Variants in PTPN5 observed in about 807,000 individuals in gnomAD.
PTPN5 encodes the protein tyrosine-protein phosphatase non-receptor type 5.
PTPN5 carries 29 observed loss-of-function variants against 73.9 expected under a neutral mutation model. The observed-to-expected ratio is 0.39, with a 90% confidence interval of 0.29 to 0.54. The LOEUF is 0.54. Among genes scored for constraint, PTPN5 ranks in the 20% least tolerant of loss-of-function variants. The probability of loss-of-function intolerance (pLI) is 0.65; values close to 1 mark genes in which losing one functional copy is unlikely to be tolerated. For synonymous variants in PTPN5, 267 were observed against 304.7 expected (o/e 0.88, Z 1.29); for missense variants, 652 against 751.4 (o/e 0.87, Z 1.55).
intron 1 of PTPN5, among the ~76,000 whole-genome samples, chr11:18,785,508 G>A (rs960963850): frequency 3.3e-5 from 5 of 152,166 alleles, no homozygotes; most frequent in African/African-American, 1.2e-4. Flanking sequence ...TTCATCTTAC[G>A]TTTGTTCTCT....
intron 1 of PTPN5, among the ~76,000 whole-genome samples, chr11:18,790,225 T>C (rs1851853649): frequency 6.6e-6 from 1 of 152,024 alleles, no homozygotes; most frequent in African/African-American, 2.4e-5. Flanking sequence ...CCAGCAGCTT[T>C]GTCAGCAGCA....
intron 1 of PTPN5, among the ~76,000 whole-genome samples, chr11:18,782,722 G>A (rs1338068867): frequency 2.6e-5 from 4 of 152,180 alleles, no homozygotes; most frequent in Non-Finnish European, 4.4e-5. Context: ...TTGTCAAAAT[G>A]CACTGAACAG....
chr11:18,764,064 G>T (rs550674397), intron 3 of PTPN5, among the ~76,000 whole-genome samples: 2 of 152,154 alleles, frequency 1.3e-5, no homozygotes, highest in Non-Finnish European at 2.9e-5. Flanking sequence ...CTGAATCACA[G>T]AACTGTTTAA....
intron 11 of PTPN5, 122 bp from the exon 12 acceptor site, chr11:18,732,824 G>A: frequency 2.6e-6 from 2 of 776,486 alleles, no homozygotes; most frequent in Non-Finnish European, 2.1e-6. Flanking sequence ...AGAGTGTTGG[G>A]TTCAAATCTC....
At chr11:18,762,433 T>C (rs1480640982) in intron 3 of PTPN5, among the ~76,000 whole-genome samples, 1 of 152,114 alleles carries the variant, frequency 6.6e-6, no homozygotes, top group Non-Finnish European at 1.5e-5. Flanking sequence ...TATGTCCAAG[T>C]TGCAGTACAG....
intron 1 of PTPN5, among the ~76,000 whole-genome samples, chr11:18,776,627 G>A (rs571582886): frequency 3.9e-5 from 6 of 152,228 alleles, no homozygotes; most frequent in African/African-American, 9.6e-5. Context: ...CCACCTACAC[G>A]TGGAGATTGG....
Position 18,744,691 on chromosome 11 carries a change from C to A in PTPN5, c.98-492G>T, listed in dbSNP as rs139690504. On this transcript the variant is annotated intron_variant, in intron 3 of 14. Transcript: ENST00000358540. ...CTCTTGACAAGACCACATCCATGTGCCCCCACCCCATCTCAAGACTCCCTG... is the reference window on the plus strand; with the variant it reads ...CTCTTGACAAGACCACATCCATGTGACCCCACCCCATCTCAAGACTCCCTG... Among the ~76,000 whole-genome samples, 146 of 152,252 alleles carry A rather than the reference C, an allele frequency of 9.6e-4. 1 individual carries two copies. Among genetic ancestry groups the A allele is most frequent in the African/African-American group, 3.5e-3 (144 of 41,552 alleles).
At chr11:18,739,433 C>A (rs556660073) in intron 8 of PTPN5, among the ~76,000 whole-genome samples, 4 of 152,112 alleles carry the variant, frequency 2.6e-5, no homozygotes, top group African/African-American at 7.2e-5. Context: ...AAGGCACGGA[C>A]GAGACTGGCC....
In PTPN5 at chr11:18,754,867, A is replaced by G. The variant is rs188992360; in HGVS notation, c.98-10668T>C. 2.1e-4 allele frequency among the ~76,000 whole-genome samples: 32 copies of G among 152,144 alleles called. 1 individual carries two copies. Among genetic ancestry groups the G allele is most frequent in the South Asian group, 1.9e-3 (9 of 4,806 alleles). On this transcript the variant is annotated intron_variant, in intron 3 of 14. Coordinates refer to ENST00000358540, the MANE Select transcript of PTPN5 (RefSeq NM_006906.2). Reference sequence around the variant, plus strand: ...TGAGACTATGCCTCTTTGGATTACAAGGATTCAACTTTTAAGCAATATGGC... The same window carrying G: ...TGAGACTATGCCTCTTTGGATTACAGGGATTCAACTTTTAAGCAATATGGC...
At chr11:18,768,384 T>C (rs139377784) in intron 2 of PTPN5, among the ~76,000 whole-genome samples, 1,767 of 152,310 alleles carry the variant, frequency 0.012, 8 homozygotes, top group Middle Eastern at 0.024. Flanking sequence ...GGGATTGTGT[T>C]TGAGAGCACC....
intron 1 of PTPN5, among the ~76,000 whole-genome samples, chr11:18,780,723 A>G (rs571315878): frequency 1.3e-5 from 2 of 152,292 alleles, no homozygotes; most frequent in East Asian, 1.9e-4. Context: ...TCTCTTGTCC[A>G]TAACTTTGGC....
At chr11:18,758,952 G>A (rs1381511401) in intron 3 of PTPN5, among the ~76,000 whole-genome samples, 1 of 152,110 alleles carries the variant, frequency 6.6e-6, no homozygotes, top group African/African-American at 2.4e-5. Flanking sequence ...CCTGGTGAAG[G>A]AAAACGGAGG....
chr11:18,730,895 G>C (rs962498206), intron 12 of PTPN5, among the ~76,000 whole-genome samples: 1 of 152,060 alleles, frequency 6.6e-6, no homozygotes, highest in African/African-American at 2.4e-5. Context: ...CACTCCAAAA[G>C]GTTTGTAGGT....
At chr11:18,784,972 G>C (rs1476684211) in intron 1 of PTPN5, among the ~76,000 whole-genome samples, 2 of 151,990 alleles carry the variant, frequency 1.3e-5, no homozygotes, top group Admixed American at 1.3e-4. Flanking sequence ...TCATGCCTCA[G>C]CCTCCTGAGT....
chr11:18,790,883 T>A (rs1208678703), intron 1 of PTPN5, among the ~76,000 whole-genome samples: 1 of 152,182 alleles, frequency 6.6e-6, no homozygotes, highest in East Asian at 1.9e-4. Flanking sequence ...TTGAATAAGT[T>A]CCCAGGATTC....
chr11:18,736,525 A>C (rs1849120023), intron 9 of PTPN5, among the ~76,000 whole-genome samples: 1 of 152,180 alleles, frequency 6.6e-6, no homozygotes, highest in African/African-American at 2.4e-5. Flanking sequence ...CTGGGGCAGG[A>C]GCCGAGGAAA....
Position 18,740,812 on chromosome 11 carries a change from G to A in PTPN5, c.726-20C>T, listed in dbSNP as rs1433517538. 6.8e-7 allele frequency: 1 copy of A among 1,472,082 alleles called. No homozygotes were observed. Among genetic ancestry groups the A allele is most frequent in the Admixed American group, 2.2e-5 (1 of 45,154 alleles). The allele number at this position is 1,472,082 out of a possible 1,614,324, so 91.2% of individuals were successfully genotyped here. On this transcript the variant is annotated intron_variant, in intron 7 of 14. Transcript: ENST00000358540. ...CCCCTCCTGGAAGGACCAGGAAAGG[G>A]AGTGTGAGCCTCAGGGGCAGAGGGA...
rs1325420679 is a variant in PTPN5 at position 18,744,079 on chromosome 11, G to C, written c.218C>G (p.Pro73Arg). 2 of 1,610,740 alleles carry C rather than the reference G, an allele frequency of 1.2e-6. No individual in the cohort carries two copies. Among genetic ancestry groups the C allele is most frequent in the South Asian group, 1.1e-5 (1 of 90,494 alleles). Residue 73 changes from proline (P) to arginine (R), a missense_variant, in exon 4 of 15, where the codon CCA becomes CGA. Physicochemically the swap from Pro to Arg is moderately radical, Grantham distance 103. Coordinates refer to ENST00000358540, the MANE Select transcript of PTPN5 (RefSeq NM_006906.2). ...GGAGTGGCTCCCAGCGCCTCGAGGT[G>C]GTGGCTTCTGAGCTGGATCTGAGGG... ...SPPSDPAQKP[P>R]PRGAGSHSLT...
At chr11:18,740,060 G>A (rs1422285911) in intron 8 of PTPN5, among the ~76,000 whole-genome samples, 11 of 152,190 alleles carry the variant, frequency 7.2e-5, no homozygotes, top group Admixed American at 7.2e-4. Flanking sequence ...AACTGGCTGA[G>A]CACTCAGGCA....
Sources: gnomAD v4.1 joint callset for allele counts (sites outside exome capture counted in the v4.1 genomes callset) on GRCh38, gnomAD v4.1.1 for gene constraint, MANE v1.5 for transcripts, NCBI Gene and HGNC (gene_info 2026-07-23, HGNC 2026-07-21) for gene names.